HCN1: variants seen among roughly 807,000 people sequenced by gnomAD.
HCN1 encodes hyperpolarization activated cyclic nucleotide gated potassium channel 1.
HCN1 carries 13 observed loss-of-function variants against 78.9 expected under a neutral mutation model. That is an observed-to-expected ratio of 0.16 (90% CI 0.11 to 0.26). HCN1 has a LOEUF of 0.26. Among genes scored for constraint, HCN1 ranks in the 10% least tolerant of loss-of-function variants. The pLI, the probability that HCN1 is intolerant of heterozygous loss-of-function variation, is 1.00. For missense variants in HCN1, 810 were observed against 1,154.3 expected, an observed-to-expected ratio of 0.70 and a Z score of 4.32; for synonymous variants, 552 against 455.5, an observed-to-expected ratio of 1.21 and a Z score of -2.70.
chr5:45,280,054 G>A (rs1745128983), intron 6 of HCN1, among the ~76,000 whole-genome samples: 1 of 151,958 alleles, frequency 6.6e-6, no homozygotes, highest in African/African-American at 2.4e-5. Flanking sequence ...ACCATATCAG[G>A]ACAAGAAAAT....
chr5:45,501,539 A>G (rs985670088), intron 2 of HCN1, among the ~76,000 whole-genome samples: 2 of 151,784 alleles, frequency 1.3e-5, no homozygotes, highest in Non-Finnish European at 2.9e-5. Context: ...TGTTCAAGCT[A>G]TTCTCCTACC....
rs994451609 is a variant in HCN1, at chr5:45,257,764, A to G, written c.*4157T>C. 6.6e-6 allele frequency: 1 copy of G among 152,212 alleles called. No homozygotes were observed. The highest frequency in any genetic ancestry group is 2.4e-5 in the African/African-American group (1 of 41,444). The allele number at this position is 152,212 out of a possible 1,614,324, so 9.4% of individuals were successfully genotyped here. ...AGCAAATCTTTCAAAGAAAATTTCT[A>G]TCCTATTTTTCCTTGAAAATAACCA... On this transcript the variant is annotated 3_prime_UTR_variant, in exon 8 of 8. Transcript: ENST00000303230.
At chr5:45,453,413 CT>C (rs1206844870) in intron 3 of HCN1, among the ~76,000 whole-genome samples, 1 of 152,098 alleles carries the variant, frequency 6.6e-6, no homozygotes, top group African/African-American at 2.4e-5. Context: ...TTGCCAGATT[CT>C]TTTGAATTTA....
chr5:45,459,328 C>T (rs894732565), intron 3 of HCN1, among the ~76,000 whole-genome samples: 14 of 150,208 alleles, frequency 9.3e-5, no homozygotes, highest in South Asian at 4.2e-4. Flanking sequence ...TCTCTACATT[C>T]GAGTTACACA....
intron 2 of HCN1, among the ~76,000 whole-genome samples, chr5:45,520,500 C>CT (rs1258376562): frequency 6.6e-6 from 1 of 151,974 alleles, no homozygotes; most frequent in African/African-American, 2.4e-5. Flanking sequence ...TGTTATCCAC[C>CT]TAGTGCCAGT....
At chr5:45,293,939 G>A (rs1361950525) in intron 6 of HCN1, among the ~76,000 whole-genome samples, 1 of 151,750 alleles carries the variant, frequency 6.6e-6, no homozygotes, top group Non-Finnish European at 1.5e-5. Context: ...CACCTAAGAG[G>A]ATAACGAATG....
chr5:45,280,480 T>G (rs1435987166), intron 6 of HCN1, among the ~76,000 whole-genome samples: 1 of 152,150 alleles, frequency 6.6e-6, no homozygotes, highest in Non-Finnish European at 1.5e-5. Flanking sequence ...GGCCAGATAA[T>G]TTTTTGGTGT....
At chr5:45,572,612 C>T (rs2111904926) in intron 2 of HCN1, among the ~76,000 whole-genome samples, 1 of 152,202 alleles carries the variant, frequency 6.6e-6, no homozygotes, top group African/African-American at 2.4e-5. Flanking sequence ...TATTACTTTT[C>T]TAAATTGGGG....
At chr5:45,531,770 T>C (rs1742857309) in intron 2 of HCN1, among the ~76,000 whole-genome samples, 1 of 152,144 alleles carries the variant, frequency 6.6e-6, no homozygotes, top group Admixed American at 6.6e-5. Context: ...CTTGGCACGG[T>C]GGCTCACACC....
chr5:45,319,465 C>T (rs1261593927), intron 5 of HCN1, among the ~76,000 whole-genome samples: 1 of 151,708 alleles, frequency 6.6e-6, no homozygotes, highest in Admixed American at 6.6e-5. Flanking sequence ...CATGAGTATC[C>T]TCATTATGCA....
intron 2 of HCN1, among the ~76,000 whole-genome samples, chr5:45,629,774 A>C (rs1745237326): frequency 6.6e-6 from 1 of 152,146 alleles, no homozygotes; most frequent in Non-Finnish European, 1.5e-5. Context: ...TGGTTTAGAC[A>C]AAAAACTAAA....
intron 5 of HCN1, among the ~76,000 whole-genome samples, chr5:45,351,600 T>A (rs968191938): frequency 3.8e-4 from 47 of 124,518 alleles, no homozygotes; most frequent in Non-Finnish European, 6.8e-4. Context: ...ACCTACAACA[T>A]GGGAGAAAAT....
At chr5:45,490,222 T>C (rs1223600141) in intron 2 of HCN1, among the ~76,000 whole-genome samples, 2 of 152,134 alleles carry the variant, frequency 1.3e-5, no homozygotes, top group Non-Finnish European at 2.9e-5. Flanking sequence ...ATGCCAACAG[T>C]GCAATACAGA....
intron 4 of HCN1, among the ~76,000 whole-genome samples, chr5:45,353,974 A>T (rs1746962261): frequency 6.6e-6 from 1 of 151,904 alleles, no homozygotes; most frequent in Non-Finnish European, 1.5e-5. Context: ...TTCAGGCTTA[A>T]TTCCCGAGAT....
intron 5 of HCN1, among the ~76,000 whole-genome samples, chr5:45,314,897 C>A (rs1168814424): frequency 6.6e-6 from 1 of 152,124 alleles, no homozygotes; most frequent in African/African-American, 2.4e-5. Flanking sequence ...AATACAGGAG[C>A]ATCCAGATTC....
chr5:45,474,225 A>T (rs1442536730), intron 2 of HCN1, among the ~76,000 whole-genome samples: 1 of 151,848 alleles, frequency 6.6e-6, no homozygotes, highest in Non-Finnish European at 1.5e-5. Context: ...CAATCTGAAG[A>T]TGTCCAAAAT....
Position 45,371,001 on chromosome 5 carries a change from C to T in HCN1, c.1231-17755G>A, listed in dbSNP as rs887163363. Among the ~76,000 whole-genome samples the T allele has an allele frequency of 2.0e-5, 3 of 151,982 alleles. No individual in the cohort carries two copies. In the East Asian group the frequency reaches 5.8e-4, roughly 29 times the overall value. ...AGCAAAGGAGAGGAGAAAAATATAT[C>T]AAAGCTAGAGAAGGAAGAAAACATT... On this transcript the variant is annotated intron_variant, in intron 4 of 7. Coordinates refer to ENST00000303230, the MANE Select transcript of HCN1 (RefSeq NM_021072.4).
chr5:45,664,763 T>G (rs199721208), intron 1 of HCN1, among the ~76,000 whole-genome samples: 6,199 of 151,704 alleles, frequency 0.041, 483 homozygotes, highest in African/African-American at 0.14. Flanking sequence ...CATCTCACAC[T>G]AGTTAGAATG....
At chr5:45,653,384 C>A (rs139632983) in intron 1 of HCN1, among the ~76,000 whole-genome samples, 12 of 152,158 alleles carry the variant, frequency 7.9e-5, no homozygotes, top group African/African-American at 2.9e-4. Context: ...AGTGAATACT[C>A]TGCCATAATA....
Sources: allele counts gnomAD v4.1 joint callset (sites outside exome capture counted in the v4.1 genomes callset), GRCh38; gene constraint gnomAD v4.1.1; transcripts MANE v1.5; gene names NCBI Gene and HGNC (gene_info 2026-07-23, HGNC 2026-07-21).